CDON: variants seen among roughly 807,000 people sequenced by gnomAD.
The protein encoded by CDON is cell adhesion molecule-related/down-regulated by oncogenes.
Under a neutral mutation model 120.9 loss-of-function variants are expected in CDON, and 73 were observed. The ratio of observed to expected loss-of-function variants is 0.60; its 90% CI spans 0.50 to 0.73. The LOEUF is 0.73. Ranked by LOEUF, CDON falls within the 30% of genes least tolerant of loss-of-function variation. The pLI is 0.00. For synonymous variants in CDON, 566 were observed against 573.5 expected (o/e 0.99, Z 0.19); for missense variants, 1,470 against 1,587.3 (o/e 0.93, Z 1.26).
intron 7 of CDON, among the ~76,000 whole-genome samples, chr11:126,012,495 G>A (rs920836159): frequency 2.6e-5 from 4 of 151,728 alleles, no homozygotes; most frequent in East Asian, 1.9e-4. Flanking sequence ...TCCACCTCCC[G>A]GGTTCTAGAA....
intron 18 of CDON, among the ~76,000 whole-genome samples, chr11:125,965,360 A>G (rs1035895438): frequency 6.6e-6 from 1 of 152,192 alleles, no homozygotes; most frequent in African/African-American, 2.4e-5. Flanking sequence ...AATCTGTTAA[A>G]GGCATGTGAG....
At chr11:125,982,458 A>G (rs914703220) in intron 16 of CDON, among the ~76,000 whole-genome samples, 2 of 152,312 alleles carry the variant, frequency 1.3e-5, no homozygotes. Context: ...CCAAGGCTGG[A>G]TTAGGTGTCC....
chr11:125,967,024 TAAA>T (rs11372251), intron 18 of CDON, among the ~76,000 whole-genome samples: 3 of 143,414 alleles, frequency 2.1e-5, no homozygotes, highest in Admixed American at 6.9e-5. Context: ...GCAACAGATT[TAAA>T]AAAAAAAAAG....
At chr11:126,019,528 C>A (rs967784709) in intron 4 of CDON, 91 bp downstream of exon 4, 1 of 1,373,858 alleles carries the variant, frequency 7.3e-7, no homozygotes, top group East Asian at 2.3e-5. Flanking sequence ...CTTGTATCCA[C>A]AGTTCGTCCC....
rs113558382 is a variant in CDON at position 125,981,134 on chromosome 11, C to A, written c.3191G>T (p.Ser1064Ile). Residue 1064 changes from serine (S) to isoleucine (I), a missense_variant, in exon 17 of 20, where the codon AGC becomes ATC. By Grantham distance (142) the Ser-to-Ile change is moderately radical. Coordinates refer to ENST00000531738, the MANE Select transcript of CDON (RefSeq NM_001378964.1). ...CCCGGAGTAAAGCCCTCCATTTAGG[C>A]TCCCATTCACAATTCCATTGACTGC... ...PNAVNGIVNG[S>I]LNGGLYSGHS... is the part of the protein sequence containing the mutation. 1 of 1,614,192 alleles carries A rather than the reference C, an allele frequency of 6.2e-7. No individual in the cohort carries two copies. Among genetic ancestry groups the A allele is most frequent in the South Asian group, 1.1e-5 (1 of 91,076 alleles).
At chr11:126,028,724 ATTT>A (rs1947868082) in intron 1 of CDON, among the ~76,000 whole-genome samples, 1 of 150,622 alleles carries the variant, frequency 6.6e-6, no homozygotes. Context: ...TTATTTATTT[ATTT>A]ATTTATTTAT....
intron 8 of CDON, 100 bp from the exon 9 acceptor site, chr11:126,006,157 A>C: frequency 9.3e-7 from 1 of 1,076,066 alleles, no homozygotes; most frequent in East Asian, 2.4e-5. Context: ...TTGTTAGCAC[A>C]ATTTGAGCCC....
At chr11:126,037,111 T>C (rs1426320096) in intron 1 of CDON, among the ~76,000 whole-genome samples, 3 of 151,480 alleles carry the variant, frequency 2.0e-5, no homozygotes, top group South Asian at 2.1e-4. Context: ...CTTTCTTTTT[T>C]TTTTTGGAAG....
chr11:125,997,378 T>C lies in CDON; in HGVS notation c.2191A>G (p.Thr731Ala), dbSNP rs776547693. ...ACATAGACTGATGTCTCTGATGCAG[T>C]GGAGATGGTAGGCCGATCTGGTGCC... ...PEAPDRPTIS[T>A]ASETSVYVTW... Residue 731 changes from threonine to alanine, a missense_variant, in exon 12 of 20, where the codon ACT becomes GCT. Thr to Ala is a moderately conservative substitution (Grantham distance 58). Coordinates refer to ENST00000531738, the MANE Select transcript of CDON (RefSeq NM_001378964.1). 1.2e-6 allele frequency: 2 copies of C among 1,613,668 alleles called. No individual in the cohort carries two copies. The highest frequency in any genetic ancestry group is 1.7e-6 in the Non-Finnish European group (2 of 1,179,736).
chr11:125,961,688 G>C (rs1288126368), intron 19 of CDON, 36 bp downstream of exon 19: 1 of 1,613,832 alleles, frequency 6.2e-7, no homozygotes, highest in South Asian at 1.1e-5. Flanking sequence ...AACTGAAGAT[G>C]ATCTGGAATC....
intron 5 of CDON, 55 bp downstream of exon 5, chr11:126,018,275 A>C (rs954758513): frequency 6.3e-7 from 1 of 1,576,686 alleles, no homozygotes; most frequent in Non-Finnish European, 8.7e-7. Context: ...TCATTGCCCA[A>C]CTTTTTATGA....
intron 18 of CDON, among the ~76,000 whole-genome samples, chr11:125,969,866 A>G (rs1454178640): frequency 6.6e-6 from 1 of 152,248 alleles, no homozygotes; most frequent in East Asian, 1.9e-4. Flanking sequence ...GAAATAGAAG[A>G]TTGGAAGAGT....
At chr11:126,022,119 A>G (rs1268541494) in intron 2 of CDON, among the ~76,000 whole-genome samples, 1 of 151,316 alleles carries the variant, frequency 6.6e-6, no homozygotes, top group East Asian at 1.9e-4. Context: ...AAAAAAAAAA[A>G]AAAAAAGAAA....
intron 12 of CDON, among the ~76,000 whole-genome samples, chr11:125,996,669 C>T (rs1194932258): frequency 9.8e-5 from 12 of 122,618 alleles, no homozygotes; most frequent in Admixed American, 4.2e-4. Context: ...CACTGCACTC[C>T]GGCCTAGGCG....
intron 16 of CDON, among the ~76,000 whole-genome samples, chr11:125,982,951 T>G (rs1180139428): frequency 6.6e-6 from 1 of 152,182 alleles, no homozygotes; most frequent in East Asian, 1.9e-4. Flanking sequence ...TCACCATCCA[T>G]TTCAGCCTGA....
At chr11:126,026,957 C>T (rs931060497) in intron 1 of CDON, among the ~76,000 whole-genome samples, 6 of 152,156 alleles carry the variant, frequency 3.9e-5, no homozygotes, top group African/African-American at 1.4e-4. Context: ...AACTTTAACC[C>T]TAGTGCATGA....
intron 1 of CDON, among the ~76,000 whole-genome samples, chr11:126,040,456 A>C (rs1489993939): frequency 1.3e-5 from 2 of 152,240 alleles, no homozygotes; most frequent in African/African-American, 4.8e-5. Flanking sequence ...GTTACTTAAC[A>C]ACCACAATGA....
chr11:125,981,351 GACACACACGCACACAC>G, intron 16 of CDON, 22 bp from the exon 17 acceptor site: 1 of 1,604,528 alleles, frequency 6.2e-7, no homozygotes, highest in Non-Finnish European at 8.5e-7. Context: ...GAACAAAAAA[GACACACACGCACACAC>G]ACACACGCAC....
chr11:125,992,366 A>G (rs1946655291), intron 14 of CDON, among the ~76,000 whole-genome samples: 1 of 152,216 alleles, frequency 6.6e-6, no homozygotes, highest in Admixed American at 6.5e-5. Flanking sequence ...TAGGCTTTTT[A>G]CTGGCATAAA....
Sources: allele counts gnomAD v4.1 joint callset (sites outside exome capture counted in the v4.1 genomes callset), GRCh38; gene constraint gnomAD v4.1.1; transcripts MANE v1.5; gene names NCBI Gene and HGNC (gene_info 2026-07-23, HGNC 2026-07-21).